The following NYAP2 variants were observed in gnomAD, a reference collection of about 807,000 sequenced individuals.
The protein encoded by NYAP2 is neuronal tyrosine-phosphorylated phosphoinositide-3-kinase adaptor 2.
A neutral mutation model predicts 50.4 loss-of-function variants in NYAP2; 23 were observed. That is an observed-to-expected ratio of 0.46 (90% CI 0.33 to 0.65). The LOEUF (loss-of-function observed/expected upper bound fraction) is 0.65. NYAP2 is among the 30% of genes least tolerant of loss of function. The pLI is 0.02. For synonymous variants in NYAP2, 394 were observed against 365.2 expected, an observed-to-expected ratio of 1.08 and a Z score of -0.90; for missense variants, 885 against 861.0, an observed-to-expected ratio of 1.03 and a Z score of -0.35.
the NYAP2 span, among the ~76,000 whole-genome samples, chr2:225,691,683 A>G: frequency 6.6e-6 from 1 of 152,102 alleles, no homozygotes; most frequent in Admixed American, 6.6e-5. Context: ...CAGGACAAGC[A>G]CAGTTGCAGG....
intron 5 of NYAP2, among the ~76,000 whole-genome samples, chr2:225,622,462 G>T (rs1361438825): frequency 6.6e-6 from 1 of 151,936 alleles, no homozygotes; most frequent in Admixed American, 6.6e-5. Flanking sequence ...TCTAAAGGTT[G>T]TAATTGTATT....
exon 6 of NYAP2, chr2:225,626,967 A>C (rs758133098): frequency 6.3e-7 from 1 of 1,586,486 alleles, no homozygotes; most frequent in East Asian, 2.3e-5. Context: ...GCCATTACCA[A>C]AGTTGGACAA....
chr2:225,582,887 C>G lies in NYAP2; in HGVS notation c.1470C>G (p.Ala490=). 6.2e-7 allele frequency: 1 copy of G among 1,613,600 alleles called. No homozygotes were observed. ...AAGATGGGGCCAAGATGGTCAACGC[C>G]GCGGTGAACACCTACGGGGCAGCCC... Residue 490 remains alanine (A), a synonymous_variant, in exon 5 of 7, where the codon GCC becomes GCG. Transcript: ENST00000636099. The surrounding 1 kb of genome is among the most constrained non-coding windows in gnomAD (Gnocchi z 7.0).
the NYAP2 span, chr2:225,703,618 T>G: frequency 1.9e-3 from 290 of 151,990 alleles, no homozygotes; most frequent in African/African-American, 6.6e-3. Flanking sequence ...TTATTTGTGC[T>G]CCCGTGTAAT....
chr2:225,681,301 A>G, the NYAP2 span, among the ~76,000 whole-genome samples: 2 of 152,218 alleles, frequency 1.3e-5, no homozygotes, highest in African/African-American at 4.8e-5. Flanking sequence ...GTCTATCCTA[A>G]GAGAGACATA....
the NYAP2 span, among the ~76,000 whole-genome samples, chr2:225,691,228 TA>T: frequency 2.0e-5 from 3 of 152,026 alleles, no homozygotes; most frequent in African/African-American, 7.2e-5. Flanking sequence ...GGGCAGGTTA[TA>T]AATATTTCCA....
chr2:225,498,646 T>C (rs1483052462), intron 3 of NYAP2, among the ~76,000 whole-genome samples: 1 of 152,002 alleles, frequency 6.6e-6, no homozygotes, highest in Non-Finnish European at 1.5e-5. Context: ...AAGAATATCA[T>C]TTAGTAGCTG....
At chr2:225,594,588 A>C (rs148715797) in intron 5 of NYAP2, among the ~76,000 whole-genome samples, 26 of 152,332 alleles carry the variant, frequency 1.7e-4, no homozygotes, top group African/African-American at 6.3e-4. Context: ...TTGGAAAGAC[A>C]TTGCATAAAT....
the NYAP2 span, among the ~76,000 whole-genome samples, chr2:225,680,344 G>A: frequency 6.6e-6 from 1 of 152,104 alleles, no homozygotes; most frequent in African/African-American, 2.4e-5. Context: ...AGAGTATGTA[G>A]TTGATTCTGC....
At chr2:225,639,253 G>C (rs1035992958) in intron 6 of NYAP2, among the ~76,000 whole-genome samples, 1 of 152,144 alleles carries the variant, frequency 6.6e-6, no homozygotes, top group Non-Finnish European at 1.5e-5. Flanking sequence ...ACAGACTCTG[G>C]TATAATTTTT....
At chr2:225,407,875 C>A (rs1261302139) in intron 2 of NYAP2, among the ~76,000 whole-genome samples, 1 of 151,870 alleles carries the variant, frequency 6.6e-6, no homozygotes, top group African/African-American at 2.4e-5. Flanking sequence ...CCCCATCTAG[C>A]CACACATATC....
intron 4 of NYAP2, among the ~76,000 whole-genome samples, chr2:225,521,155 A>G (rs1237852587): frequency 6.6e-6 from 1 of 151,016 alleles, no homozygotes; most frequent in African/African-American, 2.5e-5. Flanking sequence ...GTTGCTTATC[A>G]GCTTAAGGAG....
intron 3 of NYAP2, among the ~76,000 whole-genome samples, chr2:225,492,087 T>C (rs1223624683): frequency 6.6e-6 from 1 of 152,120 alleles, no homozygotes; most frequent in Non-Finnish European, 1.5e-5. Flanking sequence ...CAGGAGAAGA[T>C]CCATGTGCCC....
At chr2:225,561,443 G>T (rs902643087) in intron 4 of NYAP2, among the ~76,000 whole-genome samples, 8 of 152,068 alleles carry the variant, frequency 5.3e-5, no homozygotes, top group African/African-American at 9.7e-5. Flanking sequence ...ACGGGCAAGG[G>T]TTAGTCAACT....
At chr2:225,606,670 C>T (rs1329365025) in intron 5 of NYAP2, among the ~76,000 whole-genome samples, 1 of 152,094 alleles carries the variant, frequency 6.6e-6, no homozygotes, top group Non-Finnish European at 1.5e-5. Context: ...ATTTTCTTTT[C>T]CTATAGAAGG....
At chr2:225,556,994 G>A (rs990708093) in intron 4 of NYAP2, among the ~76,000 whole-genome samples, 1 of 152,210 alleles carries the variant, frequency 6.6e-6, no homozygotes, top group East Asian at 1.9e-4. Flanking sequence ...AGACTAAGTA[G>A]CAACAGCACT....
chr2:225,402,148 G>A (rs796625511), intron 2 of NYAP2, among the ~76,000 whole-genome samples: 38 of 152,066 alleles, frequency 2.5e-4, no homozygotes, highest in African/African-American at 8.4e-4. Context: ...ACTATGTGAA[G>A]GACATAGACA....
chr2:225,473,388 T>A (rs149280859), intron 3 of NYAP2, among the ~76,000 whole-genome samples: 5,418 of 152,322 alleles, frequency 0.036, 161 homozygotes, highest in South Asian at 0.092. Context: ...CGCCACACTG[T>A]CTTCCACAAT....
the NYAP2 span, among the ~76,000 whole-genome samples, chr2:225,694,835 T>G: frequency 1.3e-5 from 2 of 151,922 alleles, no homozygotes; most frequent in African/African-American, 4.8e-5. Flanking sequence ...CCTAGCCATC[T>G]TTCATGTATT....
Sources: gnomAD v4.1 joint callset for allele counts (sites outside exome capture counted in the v4.1 genomes callset) on GRCh38, gnomAD v4.1.1 for gene constraint, Gnocchi (gnomAD v3.1) non-coding constraint, MANE v1.5 for transcripts, NCBI Gene and HGNC (gene_info 2026-07-23, HGNC 2026-07-21) for gene names.